The following NHEJ1 variants were observed in gnomAD, a reference collection of about 807,000 sequenced individuals.
The protein encoded by NHEJ1 is non-homologous end joining factor 1.
A neutral mutation model predicts 39.4 loss-of-function variants in NHEJ1; 22 were observed. The ratio of observed to expected loss-of-function variants is 0.56; its 90% confidence interval spans 0.40 to 0.80. The LOEUF is 0.80. Ranked by LOEUF, NHEJ1 falls within the 30% of genes least tolerant of loss-of-function variation. NHEJ1 has a pLI of 0.00. For missense variants in NHEJ1, 329 were observed against 357.1 expected (o/e 0.92, Z 0.63); for synonymous variants, 154 against 135.6 (o/e 1.14, Z -0.94).
chr2:219,134,838 G>A (rs1037802099), intron 5 of NHEJ1, among the ~76,000 whole-genome samples: 4 of 151,894 alleles, frequency 2.6e-5, no homozygotes, highest in Non-Finnish European at 4.4e-5. Flanking sequence ...AGGAGTTCGA[G>A]ACCAGCCTGG....
At chr2:219,100,797 C>T (rs775331309) in intron 5 of NHEJ1, among the ~76,000 whole-genome samples, 7 of 152,092 alleles carry the variant, frequency 4.6e-5, no homozygotes, top group Non-Finnish European at 8.8e-5. Flanking sequence ...TAAGAAGTAG[C>T]AAAGAACTCT....
At chr2:219,110,859 T>C in intron 5 of NHEJ1, among the ~76,000 whole-genome samples, 1 of 152,086 alleles carries the variant, frequency 6.6e-6, no homozygotes, top group East Asian at 1.9e-4. Flanking sequence ...CTACTGTTCA[T>C]CACAGCGCTC....
intron 5 of NHEJ1, chr2:219,095,129 A>G (rs1949194042): frequency 2.7e-6 from 1 of 370,708 alleles, no homozygotes; most frequent in Non-Finnish European, 5.5e-6. Context: ...CCATCCTAGA[A>G]GGTGGGCAGT....
chr2:219,144,724 A>C (rs1949719900), intron 5 of NHEJ1, among the ~76,000 whole-genome samples: 1 of 152,216 alleles, frequency 6.6e-6, no homozygotes, highest in African/African-American at 2.4e-5. Flanking sequence ...TAGATCAGGA[A>C]GAGACCTCTC....
intron 3 of NHEJ1, among the ~76,000 whole-genome samples, chr2:219,154,829 A>G (rs573633436): frequency 1.3e-5 from 2 of 149,350 alleles, no homozygotes; most frequent in Admixed American, 1.3e-4. Flanking sequence ...TAGAATAGCT[A>G]GTTTTTCTTT....
chr2:219,153,500 A>G (rs1949817520), intron 3 of NHEJ1, among the ~76,000 whole-genome samples: 1 of 152,246 alleles, frequency 6.6e-6, no homozygotes, highest in Non-Finnish European at 1.5e-5. Context: ...AGGAAAGAGT[A>G]AGAGATGAAG....
chr2:219,098,213 G>A (rs946880237), intron 5 of NHEJ1, among the ~76,000 whole-genome samples: 2 of 152,178 alleles, frequency 1.3e-5, no homozygotes, highest in Non-Finnish European at 2.9e-5. Context: ...AGAAAAGGAA[G>A]GTAAGATCAC....
chr2:219,078,430 C>G (rs1169618444), intron 5 of NHEJ1, among the ~76,000 whole-genome samples: 1 of 152,234 alleles, frequency 6.6e-6, no homozygotes, highest in Admixed American at 6.5e-5. Context: ...TCCCCTAATC[C>G]TTAGGTCTAT....
At chr2:219,140,016 A>G (rs998349299) in intron 5 of NHEJ1, among the ~76,000 whole-genome samples, 5 of 152,228 alleles carry the variant, frequency 3.3e-5, no homozygotes, top group African/African-American at 7.2e-5. Context: ...ACAATTTGTT[A>G]CACAGCAATG....
chr2:219,112,751 T>C (rs1574719397), intron 5 of NHEJ1, among the ~76,000 whole-genome samples: 1 of 152,200 alleles, frequency 6.6e-6, no homozygotes, highest in East Asian at 1.9e-4. Flanking sequence ...GCTGGGCAAC[T>C]TAGTTCTGTT....
chr2:219,116,340 G>C (rs1259718145), intron 5 of NHEJ1, among the ~76,000 whole-genome samples: 1 of 151,974 alleles, frequency 6.6e-6, no homozygotes, highest in Non-Finnish European at 1.5e-5. Context: ...ATTGCAATTG[G>C]TGGATATAAC....
chr2:219,082,946 CT>C (rs1304884631), intron 5 of NHEJ1, among the ~76,000 whole-genome samples: 2 of 152,230 alleles, frequency 1.3e-5, no homozygotes, highest in African/African-American at 4.8e-5. Context: ...TTAGAAAACT[CT>C]TCTAAGGTCT....
At chr2:219,149,554 T>C (rs1949776209) in intron 3 of NHEJ1, among the ~76,000 whole-genome samples, 1 of 152,080 alleles carries the variant, frequency 6.6e-6, no homozygotes, top group African/African-American at 2.4e-5. Flanking sequence ...AGGCAGAGGT[T>C]GCGGTGAGCC....
At chr2:219,105,749 T>C (rs1451175118) in intron 5 of NHEJ1, among the ~76,000 whole-genome samples, 1 of 152,248 alleles carries the variant, frequency 6.6e-6, no homozygotes, top group Non-Finnish European at 1.5e-5. Flanking sequence ...AAGTCTTCCC[T>C]GATCCCTTTC....
rs144094413 is a variant in NHEJ1, at chr2:219,096,862, T to C, written c.589-18656A>G. 8.4e-3 allele frequency among the ~76,000 whole-genome samples: 1,282 copies of C among 152,324 alleles called. 25 individuals carry two copies. The highest frequency in any genetic ancestry group is 0.029 in the African/African-American group (1,191 of 41,564). On this transcript the variant is annotated intron_variant, in intron 5 of 7. Coordinates refer to ENST00000356853, the MANE Select transcript of NHEJ1 (RefSeq NM_024782.3). The stretch of plus-strand genomic sequence containing the variant: ...GGTAAGAAGGGGCCTTGTGAGCCAC[T>C]GTGACAACTGTTTTTACTTAGAGTA...
At chr2:219,092,026 G>A (rs1949164168) in intron 5 of NHEJ1, among the ~76,000 whole-genome samples, 1 of 152,124 alleles carries the variant, frequency 6.6e-6, no homozygotes, top group South Asian at 2.1e-4. Flanking sequence ...ACTGATTGTG[G>A]GTTTAGCAAA....
chr2:219,112,534 C>A (rs1223119350), intron 5 of NHEJ1, among the ~76,000 whole-genome samples: 1 of 152,116 alleles, frequency 6.6e-6, no homozygotes, highest in Non-Finnish European at 1.5e-5. Context: ...TTGCCTTGAA[C>A]TTGTAAAAGT....
intron 5 of NHEJ1, among the ~76,000 whole-genome samples, chr2:219,113,766 G>T (rs149835792): frequency 6.6e-6 from 1 of 152,260 alleles, no homozygotes; most frequent in Non-Finnish European, 1.5e-5. Context: ...TTAAGCTACA[G>T]CCAGAACTGC....
At chr2:219,105,487 C>A (rs541127177) in intron 5 of NHEJ1, among the ~76,000 whole-genome samples, 27 of 152,206 alleles carry the variant, frequency 1.8e-4, no homozygotes, top group South Asian at 4.1e-4. Flanking sequence ...AGAACAAGGA[C>A]TTTGCTTTGG....
Sources: allele counts gnomAD v4.1 joint callset (sites outside exome capture counted in the v4.1 genomes callset), GRCh38; gene constraint gnomAD v4.1.1; transcripts MANE v1.5; gene names NCBI Gene and HGNC (gene_info 2026-07-23, HGNC 2026-07-21).